CLSTN1: variants seen among roughly 807,000 people sequenced by gnomAD.
The protein encoded by CLSTN1 is calsyntenin-1.
CLSTN1 carries 28 observed loss-of-function variants against 108.3 expected under a neutral mutation model. The ratio of observed to expected loss-of-function variants is 0.26; its 90% confidence interval spans 0.19 to 0.35. The LOEUF is 0.35. Ranked by LOEUF, CLSTN1 falls within the 10% of genes least tolerant of loss-of-function variation. The probability of loss-of-function intolerance (pLI) is 1.00; values close to 1 mark genes in which losing one functional copy is unlikely to be tolerated. For missense variants in CLSTN1, 1,157 were observed against 1,302.6 expected (o/e 0.89, Z 1.72); for synonymous variants, 524 against 534.9 (o/e 0.98, Z 0.28).
chr1:9,748,845 C>T (rs1224393512), intron 7 of CLSTN1, among the ~76,000 whole-genome samples: 1 of 152,096 alleles, frequency 6.6e-6, no homozygotes, highest in East Asian at 1.9e-4. Context: ...ACTCCATGTA[C>T]TCCTATAGAA....
chr1:9,749,286 G>A (rs1009259216), intron 7 of CLSTN1, among the ~76,000 whole-genome samples, 175 bp downstream of exon 7: 5 of 151,962 alleles, frequency 3.3e-5, no homozygotes, highest in South Asian at 2.1e-4. Context: ...CCCCACCCCC[G>A]AAGCCCATCC....
chr1:9,748,000 C>T (rs1300766570), intron 7 of CLSTN1, among the ~76,000 whole-genome samples: 9 of 150,842 alleles, frequency 6.0e-5, no homozygotes, highest in Middle Eastern at 3.4e-3. Context: ...GCCGAGATGG[C>T]GCCACTGCAC....
chr1:9,822,291 T>C (rs192907245), intron 1 of CLSTN1, among the ~76,000 whole-genome samples: 45 of 152,348 alleles, frequency 3.0e-4, no homozygotes, highest in South Asian at 4.1e-4. Flanking sequence ...GATCTGAATT[T>C]GACAGAGTCA....
At position 9,782,970 on chromosome 1, in the gene CLSTN1, G is replaced by A. The variant is rs1262227352; in HGVS notation, c.92-9576C>T. On this transcript the variant is annotated intron_variant, in intron 1 of 18. Transcript: ENST00000377298. ...TGCAGTAAGCTGAGATCGCGCCATCGCACTCCAGCCTGGGTGACAGAGCGA... is the reference window on the plus strand; with the variant it reads ...TGCAGTAAGCTGAGATCGCGCCATCACACTCCAGCCTGGGTGACAGAGCGA... Among the ~76,000 whole-genome samples the A allele has an allele frequency of 2.6e-5, 4 of 152,314 alleles. No individual in the cohort carries two copies. The East Asian group carries it at 5.8e-4, about 22-fold the overall frequency.
At chr1:9,742,287 C>T (rs1197832280) in intron 9 of CLSTN1, among the ~76,000 whole-genome samples, 2 of 151,736 alleles carry the variant, frequency 1.3e-5, no homozygotes, top group African/African-American at 4.8e-5. Context: ...TACAGGCGGG[C>T]GTCTACAAGA....
Position 9,734,964 on chromosome 1 carries a change from C to T in CLSTN1, c.2094G>A (p.Gly698=). The T allele has an allele frequency of 1.2e-6, 2 of 1,614,148 alleles. No individual in the cohort carries two copies. Among genetic ancestry groups the T allele is most frequent in the South Asian group, 1.1e-5 (1 of 91,084 alleles). ...GCACATTACCTGTGGGGTCCTCAGC[C>T]CCGTCCCCTTCAGGCTCCACTTCTC... is the stretch of plus-strand genomic sequence containing the variant. ...ITREVEPEGD[G]AEDPTVQESL... Residue 698 remains glycine, a synonymous_variant, in exon 14 of 19, where the codon GGG becomes GGA. Transcript: ENST00000377298. The surrounding 1 kb of genome is among the most constrained non-coding windows in gnomAD (Gnocchi z 4.8).
chr1:9,818,330 TTG>T (rs1655058724), intron 1 of CLSTN1, among the ~76,000 whole-genome samples: 1 of 150,936 alleles, frequency 6.6e-6, no homozygotes, highest in Non-Finnish European at 1.5e-5. Flanking sequence ...TTTTTTGTTT[TTG>T]TTTTTGTTTT....
At chr1:9,814,691 C>T (rs1461119433) in intron 1 of CLSTN1, among the ~76,000 whole-genome samples, 1 of 152,178 alleles carries the variant, frequency 6.6e-6, no homozygotes, top group Admixed American at 6.5e-5. Context: ...GGGCAGAATG[C>T]TTGAGCCCAA....
At chr1:9,790,220 T>A (rs1218509766) in intron 1 of CLSTN1, among the ~76,000 whole-genome samples, 1 of 151,258 alleles carries the variant, frequency 6.6e-6, no homozygotes, top group Non-Finnish European at 1.5e-5. Flanking sequence ...TGCTTAGGGG[T>A]TTCCACAATG....
intron 11 of CLSTN1, among the ~76,000 whole-genome samples, chr1:9,736,925 T>C (rs896999728): frequency 1.3e-5 from 2 of 151,974 alleles, no homozygotes; most frequent in Non-Finnish European, 2.9e-5. Context: ...ATATAAATAT[T>C]AGCTGGGCAT....
Position 9,746,963 on chromosome 1 carries a change from T to C in CLSTN1, c.986-2320A>G, listed in dbSNP as rs142201001. 1.5e-3 allele frequency among the ~76,000 whole-genome samples: 230 copies of C among 151,708 alleles called. 2 individuals carry two copies. In the East Asian group the frequency reaches 0.019, roughly 12 times the overall value. On this transcript the variant is annotated intron_variant, in intron 7 of 18. Transcript: ENST00000377298. ...GGGAGGCCGAGGTGGGTGGATCACTTGAGGTCAGGAGTTGGAGACGAGCCT... is the reference window on the plus strand; with the variant it reads ...GGGAGGCCGAGGTGGGTGGATCACTCGAGGTCAGGAGTTGGAGACGAGCCT...
At position 9,753,797 on chromosome 1, in the gene CLSTN1, G is replaced by A. The variant is rs193090854; in HGVS notation, c.440+1317C>T. Reference sequence around the variant, plus strand: ...GCTGGGATTACAGGCGTGAGCCACCGTGCCTGGCCAATTTTTGTTGTTATT... The same window carrying A: ...GCTGGGATTACAGGCGTGAGCCACCATGCCTGGCCAATTTTTGTTGTTATT... On this transcript the variant is annotated intron_variant, in intron 4 of 18. Coordinates refer to ENST00000377298, the MANE Select transcript of CLSTN1 (RefSeq NM_001009566.3). 6.6e-5 allele frequency among the ~76,000 whole-genome samples: 10 copies of A among 152,038 alleles called. No homozygotes were observed. The South Asian group carries it at 8.3e-4, about 13-fold the overall frequency.
At chr1:9,746,767 G>A (rs1189488260) in intron 7 of CLSTN1, among the ~76,000 whole-genome samples, 1 of 151,558 alleles carries the variant, frequency 6.6e-6, no homozygotes, top group African/African-American at 2.4e-5. Flanking sequence ...TGAATATGTG[G>A]GCTTGGGCAA....
At chr1:9,747,504 TTTA>T (rs1651337768) in intron 7 of CLSTN1, among the ~76,000 whole-genome samples, 1 of 152,072 alleles carries the variant, frequency 6.6e-6, no homozygotes, top group Admixed American at 6.6e-5. Flanking sequence ...TTTCTTCTTA[TTTA>T]TTGTTTTTTT....
chr1:9,823,679 C>T lies in CLSTN1; in HGVS notation c.55G>A (p.Gly19Arg). ...CAGACCCCGCCGCCGCACAGCAGCC[C>T]GGCCAGCAGCAGCCGGGCGGCCGGG... ...LAPAARLLLA[G>R]LLCGGGVWAA... Residue 19 changes from glycine (G) to arginine (R), a missense_variant, in exon 1 of 19, where the codon GGG becomes AGG. Transcript: ENST00000377298. This position sits in a 1 kb window ranked among gnomAD's most constrained non-coding sequence, Gnocchi z 6.3. 8.5e-7 allele frequency: 1 copy of T among 1,170,192 alleles called. No homozygotes were observed. Among genetic ancestry groups the T allele is most frequent in the Non-Finnish European group, 1.1e-6 (1 of 947,466 alleles). The allele number at this position is 1,170,192 out of a possible 1,614,324, so 72.5% of individuals were successfully genotyped here.
intron 1 of CLSTN1, among the ~76,000 whole-genome samples, chr1:9,813,647 C>G (rs904519024): frequency 2.6e-5 from 4 of 152,156 alleles, no homozygotes; most frequent in Admixed American, 6.5e-5. Context: ...ATATGCAAAA[C>G]TCAGTGAGAC....
chr1:9,823,768 C>T lies in CLSTN1; in HGVS notation c.-35G>A, dbSNP rs1655285765. On this transcript the variant is annotated 5_prime_UTR_variant, in exon 1 of 19. Transcript: ENST00000377298. This position sits in a 1 kb window ranked among gnomAD's most constrained non-coding sequence, Gnocchi z 6.3. ...GGGGCGGGAGCGGCAGGGAGGCGCG[C>T]GGGACGCCGAGCGGAGCTCTCGGAG... is the stretch of plus-strand genomic sequence containing the variant. 1 of 994,306 alleles carries T rather than the reference C, an allele frequency of 1.0e-6. No homozygotes were observed. The highest frequency in any genetic ancestry group is 1.2e-6 in the Non-Finnish European group (1 of 828,970). 61.6% of individuals were successfully genotyped at this position (994,306 alleles called of 1,614,324 possible). A position where few individuals can be genotyped will look rare whatever the true frequency, so the allele number is the denominator to read the frequency against.
rs77083184 is a variant in CLSTN1 at position 9,799,301 on chromosome 1, G to A, written c.91+24342C>T. On this transcript the variant is annotated intron_variant, in intron 1 of 18. Transcript: ENST00000377298. Reference sequence around the variant, plus strand: ...GTGCCAGGGTAGGAAAACCTAAGCTGTAATCGACAAACTGCTGGAGTTCAA... The same window carrying A: ...GTGCCAGGGTAGGAAAACCTAAGCTATAATCGACAAACTGCTGGAGTTCAA... Among the ~76,000 whole-genome samples the A allele has an allele frequency of 2.6e-4, 39 of 152,312 alleles. No individual in the cohort carries two copies. In the East Asian group the frequency reaches 6.6e-3, roughly 26 times the overall value.
At chr1:9,798,038 G>A (rs1252083696) in intron 1 of CLSTN1, among the ~76,000 whole-genome samples, 1 of 151,202 alleles carries the variant, frequency 6.6e-6, no homozygotes. Flanking sequence ...AGGTTGCAGT[G>A]AGCCGAGATG....
Sources: gnomAD v4.1 joint callset for allele counts (sites outside exome capture counted in the v4.1 genomes callset) on GRCh38, gnomAD v4.1.1 for gene constraint, Gnocchi (gnomAD v3.1) non-coding constraint, MANE v1.5 for transcripts, NCBI Gene and HGNC (gene_info 2026-07-23, HGNC 2026-07-21) for gene names.